The following FRMD4A variants were observed in gnomAD, a reference collection of about 807,000 sequenced individuals.
The protein encoded by FRMD4A is FERM domain containing 4A.
FRMD4A carries 29 observed loss-of-function variants against 129.1 expected under a neutral mutation model. That is an observed-to-expected ratio of 0.22 (90% CI 0.17 to 0.31). The LOEUF is 0.31. Ranked by LOEUF, FRMD4A falls within the 10% of genes least tolerant of loss-of-function variation. The pLI, the probability that FRMD4A is intolerant of heterozygous loss-of-function variation, is 1.00. For missense variants in FRMD4A, 1,272 were observed against 1,375.8 expected, an observed-to-expected ratio of 0.92 and a Z score of 1.19; for synonymous variants, 634 against 571.6, an observed-to-expected ratio of 1.11 and a Z score of -1.56.
chr10:14,142,614 GA>G (rs1466691533), intron 2 of FRMD4A, among the ~76,000 whole-genome samples: 1 of 152,198 alleles, frequency 6.6e-6, no homozygotes. Flanking sequence ...TTGTAACATG[GA>G]AGAGACCTTG....
chr10:13,698,708 TTGC>T (rs1312981190), intron 14 of FRMD4A, among the ~76,000 whole-genome samples: 2 of 152,220 alleles, frequency 1.3e-5, no homozygotes, highest in East Asian at 3.8e-4. Flanking sequence ...GGAATTTCCT[TTGC>T]TGCTAATTGG....
chr10:14,278,287 C>T (rs1434439522), intron 2 of FRMD4A, among the ~76,000 whole-genome samples: 1 of 152,112 alleles, frequency 6.6e-6, no homozygotes, highest in Non-Finnish European at 1.5e-5. Context: ...TTCCTTTTTC[C>T]ACCCTACCCT....
At chr10:13,919,536 A>C (rs1183236836) in intron 2 of FRMD4A, among the ~76,000 whole-genome samples, 1 of 152,150 alleles carries the variant, frequency 6.6e-6, no homozygotes, top group Admixed American at 6.5e-5. Context: ...ATGTATATAA[A>C]ATTAAATTTT....
intron 2 of FRMD4A, among the ~76,000 whole-genome samples, chr10:13,977,885 C>A (rs146739009): frequency 2.2e-4 from 34 of 152,292 alleles, no homozygotes; most frequent in Middle Eastern, 6.8e-3. Context: ...TGTGTTTATC[C>A]ATGCATCAGT....
At chr10:13,701,135 C>G (rs984685592) in intron 14 of FRMD4A, among the ~76,000 whole-genome samples, 1 of 152,038 alleles carries the variant, frequency 6.6e-6, no homozygotes, top group Non-Finnish European at 1.5e-5. Context: ...TGGTCAGAGC[C>G]CCCTGGACCA....
chr10:13,851,073 G>C (rs148065430), intron 3 of FRMD4A, among the ~76,000 whole-genome samples: 2,001 of 152,314 alleles, frequency 0.013, 18 homozygotes, highest in Middle Eastern at 0.017. Flanking sequence ...AATTAGCCGG[G>C]CATGATGGCG....
At chr10:13,756,517 A>G (rs903462377) in intron 8 of FRMD4A, among the ~76,000 whole-genome samples, 2 of 152,166 alleles carry the variant, frequency 1.3e-5, no homozygotes, top group South Asian at 2.1e-4. Flanking sequence ...ACACGCCACC[A>G]TGCCCGACTA....
At chr10:14,230,928 T>C (rs1190375100) in intron 2 of FRMD4A, among the ~76,000 whole-genome samples, 4 of 152,232 alleles carry the variant, frequency 2.6e-5, no homozygotes, top group South Asian at 2.1e-4. Flanking sequence ...GATAATGGCC[T>C]CCAGCTGCAT....
chr10:13,882,278 T>C (rs2094556410), intron 2 of FRMD4A, among the ~76,000 whole-genome samples: 1 of 151,950 alleles, frequency 6.6e-6, no homozygotes, highest in Non-Finnish European at 1.5e-5. Flanking sequence ...CCTAAAAGAA[T>C]GTGGGAAGAC....
At chr10:13,884,028 C>T (rs1269684938) in intron 2 of FRMD4A, among the ~76,000 whole-genome samples, 12 of 151,648 alleles carry the variant, frequency 7.9e-5, no homozygotes, top group African/African-American at 2.2e-4. Context: ...CAAATTGACA[C>T]GTTGACTTCT....
At chr10:13,807,833 C>G (rs1020735660) in intron 4 of FRMD4A, among the ~76,000 whole-genome samples, 1 of 140,838 alleles carries the variant, frequency 7.1e-6, no homozygotes, top group Admixed American at 7.6e-5. Context: ...GTGTTTTACT[C>G]TGTTGCTCAG....
At chr10:13,676,280 T>C (rs1335993848) in intron 15 of FRMD4A, among the ~76,000 whole-genome samples, 1 of 151,906 alleles carries the variant, frequency 6.6e-6, no homozygotes, top group Non-Finnish European at 1.5e-5. Flanking sequence ...CTTTTTTTTT[T>C]CAGACAGTTT....
rs1025408075 is a variant in FRMD4A, at chr10:13,644,375, C to T, written c.*2663G>A. On this transcript the variant is annotated 3_prime_UTR_variant, in exon 25 of 25. Transcript: ENST00000357447. Reference sequence around the variant, plus strand: ...ATTTCCCACCACACTGATCATTAATCATGTCAGTCTCAAAGGACTAACGTT... The same window carrying T: ...ATTTCCCACCACACTGATCATTAATTATGTCAGTCTCAAAGGACTAACGTT... The T allele has an allele frequency of 6.6e-6, 1 of 152,246 alleles. No individual in the cohort carries two copies. The highest frequency in any genetic ancestry group is 2.4e-5 in the African/African-American group (1 of 41,460). 9.4% of individuals were successfully genotyped at this position (152,246 alleles called of 1,614,324 possible).
chr10:14,185,586 G>T (rs565558651), intron 2 of FRMD4A, among the ~76,000 whole-genome samples: 2 of 151,236 alleles, frequency 1.3e-5, no homozygotes, highest in East Asian at 1.9e-4. Context: ...CGTCTTGTAA[G>T]AAAGAGAAAC....
chr10:14,153,869 C>T (rs1840465344), intron 2 of FRMD4A, among the ~76,000 whole-genome samples: 1 of 152,196 alleles, frequency 6.6e-6, no homozygotes, highest in Admixed American at 6.5e-5. Flanking sequence ...TCGTTCTTTC[C>T]TAACTACTCA....
intron 2 of FRMD4A, among the ~76,000 whole-genome samples, chr10:14,027,326 A>G (rs1833029569): frequency 6.6e-6 from 1 of 152,170 alleles, no homozygotes; most frequent in African/African-American, 2.4e-5. Context: ...TTTCTAAGAC[A>G]ATTTTTTGGG....
intron 2 of FRMD4A, among the ~76,000 whole-genome samples, chr10:14,185,347 T>C (rs1009395884): frequency 4.6e-5 from 7 of 152,154 alleles, no homozygotes; most frequent in African/African-American, 1.7e-4. Flanking sequence ...TAGATATCCA[T>C]AGTGAGAGAT....
chr10:14,006,823 T>A (rs940201323), intron 2 of FRMD4A, among the ~76,000 whole-genome samples: 4 of 152,208 alleles, frequency 2.6e-5, no homozygotes, highest in African/African-American at 9.7e-5. Flanking sequence ...GCTATTGGAA[T>A]AACATGAAAT....
At chr10:13,845,265 A>G (rs1239624556) in intron 3 of FRMD4A, among the ~76,000 whole-genome samples, 3 of 152,178 alleles carry the variant, frequency 2.0e-5, no homozygotes, top group African/African-American at 7.2e-5. Flanking sequence ...ACCTTGACAC[A>G]TGAGTTATAT....
Sources: allele counts gnomAD v4.1 joint callset (sites outside exome capture counted in the v4.1 genomes callset), GRCh38; gene constraint gnomAD v4.1.1; transcripts MANE v1.5; gene names NCBI Gene and HGNC (gene_info 2026-07-23, HGNC 2026-07-21).